Variants in ATRNL1 observed in about 807,000 individuals in gnomAD.
ATRNL1 encodes the protein attractin-like protein 1.
A neutral mutation model predicts 182.7 loss-of-function variants in ATRNL1; 95 were observed. The observed-to-expected ratio is 0.52, with a 90% CI of 0.44 to 0.62. ATRNL1 has a LOEUF of 0.62. Ranked by LOEUF, ATRNL1 falls within the 20% of genes least tolerant of loss-of-function variation. The pLI, the probability that ATRNL1 is intolerant of heterozygous loss-of-function variation, is 0.00. For missense variants in ATRNL1, 1,471 were observed against 1,679.5 expected (o/e 0.88, Z 2.17); for synonymous variants, 576 against 568.3 (o/e 1.01, Z -0.19).
intron 26 of ATRNL1, among the ~76,000 whole-genome samples, chr10:115,577,255 C>G (rs1361190279): frequency 6.6e-6 from 1 of 151,454 alleles, no homozygotes; most frequent in African/African-American, 2.4e-5. Context: ...TTTTCTATTT[C>G]TATGAAAAAT....
In ATRNL1 at chr10:115,339,887, T is replaced by G. The variant is rs576292115; in HGVS notation, c.3175+5468T>G. 6.6e-5 allele frequency among the ~76,000 whole-genome samples: 10 copies of G among 152,286 alleles called. No homozygotes were observed. In the South Asian group the frequency reaches 1.9e-3, roughly 28 times the overall value. On this transcript the variant is annotated intron_variant, in intron 19 of 28. Coordinates refer to ENST00000355044, the MANE Select transcript of ATRNL1 (RefSeq NM_207303.4). ...TGAGTTATGTTCCTTCAATCCCCAA[T>G]TTTTTGAGGGTTTTTATCATGAAGG...
At chr10:115,504,897 C>T (rs918443562) in intron 24 of ATRNL1, among the ~76,000 whole-genome samples, 3 of 151,956 alleles carry the variant, frequency 2.0e-5, no homozygotes, top group Non-Finnish European at 2.9e-5. Context: ...TATAGAAGTA[C>T]ATCTTTAGAT....
At position 115,596,423 on chromosome 10, in the gene ATRNL1, G is replaced by T. The variant is rs17725390; in HGVS notation, c.3795+46887G>T. Among the ~76,000 whole-genome samples, 1,113 of 152,186 alleles carry T rather than the reference G, an allele frequency of 7.3e-3. 12 individuals carry two copies. The highest frequency in any genetic ancestry group is 0.01 in the Non-Finnish European group (694 of 67,992). On this transcript the variant is annotated intron_variant, in intron 26 of 28. Transcript: ENST00000355044. ...GCCCGGCCCGTCATTATTCTCATTT[G>T]AATCAGTTGGTATAAATTATCATTT...
intron 8 of ATRNL1, among the ~76,000 whole-genome samples, chr10:115,194,060 G>C (rs1848265725): frequency 6.6e-6 from 1 of 151,912 alleles, no homozygotes; most frequent in South Asian, 2.1e-4. Flanking sequence ...TGAGATACTT[G>C]ATACTTGATA....
intron 26 of ATRNL1, among the ~76,000 whole-genome samples, chr10:115,663,800 G>A (rs1225555853): frequency 6.6e-6 from 1 of 152,088 alleles, no homozygotes; most frequent in East Asian, 1.9e-4. Flanking sequence ...TTAGGATTAA[G>A]GTTCCTCTAA....
At chr10:115,914,595 T>TC (rs1399503206) in intron 28 of ATRNL1, among the ~76,000 whole-genome samples, 3 of 152,194 alleles carry the variant, frequency 2.0e-5, no homozygotes, top group Non-Finnish European at 4.4e-5. Flanking sequence ...CCCAGACCTT[T>TC]CCTTCCTGTC....
chr10:115,159,396 G>A (rs1009359391), intron 5 of ATRNL1, among the ~76,000 whole-genome samples: 3 of 151,340 alleles, frequency 2.0e-5, no homozygotes, highest in Admixed American at 2.0e-4. Flanking sequence ...AAAAGGCTGT[G>A]TTTTCAACTT....
chr10:115,321,829 C>A (rs1460917060), intron 18 of ATRNL1, among the ~76,000 whole-genome samples: 3 of 151,992 alleles, frequency 2.0e-5, no homozygotes, highest in Non-Finnish European at 4.4e-5. Flanking sequence ...CAAATTGTAC[C>A]TGTTTGCAGG....
intron 19 of ATRNL1, among the ~76,000 whole-genome samples, chr10:115,338,881 A>G (rs1275886720): frequency 6.6e-6 from 1 of 152,150 alleles, no homozygotes; most frequent in Non-Finnish European, 1.5e-5. Context: ...TTAAGTCTTT[A>G]TACCATATGC....
chr10:115,903,900 T>C (rs1341896033), intron 28 of ATRNL1, among the ~76,000 whole-genome samples: 4 of 152,136 alleles, frequency 2.6e-5, no homozygotes, highest in African/African-American at 9.7e-5. Context: ...CCTAAGATTT[T>C]TTAGTGCGTT....
chr10:115,149,350 A>G (rs186044561), intron 5 of ATRNL1, among the ~76,000 whole-genome samples: 125 of 152,176 alleles, frequency 8.2e-4, no homozygotes, highest in African/African-American at 2.8e-3. Context: ...TTTTTGTTAG[A>G]AAAGAAATGA....
At chr10:115,397,686 A>C (rs560790184) in intron 20 of ATRNL1, among the ~76,000 whole-genome samples, 1 of 152,086 alleles carries the variant, frequency 6.6e-6, no homozygotes, top group African/African-American at 2.4e-5. Flanking sequence ...TTCTGGGAAA[A>C]GAAAATAGGA....
At chr10:115,841,676 C>T (rs1277478574) in intron 27 of ATRNL1, among the ~76,000 whole-genome samples, 1 of 152,122 alleles carries the variant, frequency 6.6e-6, no homozygotes, top group Non-Finnish European at 1.5e-5. Flanking sequence ...GAATTCTTCT[C>T]CTTCCTACTG....
At chr10:115,371,628 C>A (rs1333580122) in intron 19 of ATRNL1, among the ~76,000 whole-genome samples, 1 of 152,174 alleles carries the variant, frequency 6.6e-6, no homozygotes, top group Admixed American at 6.5e-5. Context: ...GCCTGTACCC[C>A]CATTGTATCT....
chr10:115,113,973 T>C lies in ATRNL1; in HGVS notation c.294-6212T>C, dbSNP rs149778246. ...TGTTGAAAAATAAAGTTTATATTTT[T>C]TATTTTTATCTGTTTTTTTTTCCAT... On this transcript the variant is annotated intron_variant, in intron 1 of 28. Transcript: ENST00000355044. 8.6e-5 allele frequency among the ~76,000 whole-genome samples: 13 copies of C among 151,610 alleles called. No homozygotes were observed. The East Asian group carries it at 2.5e-3, about 29-fold the overall frequency.
chr10:115,265,414 A>G, intron 11 of ATRNL1, 137 bp downstream of exon 11: 1 of 498,594 alleles, frequency 2.0e-6, no homozygotes, highest in Non-Finnish European at 3.5e-6. Context: ...CTACCATAGA[A>G]TGCATTTTGA....
At chr10:115,810,343 G>A (rs181278744) in intron 27 of ATRNL1, among the ~76,000 whole-genome samples, 431 of 152,016 alleles carry the variant, frequency 2.8e-3, no homozygotes, top group African/African-American at 9.5e-3. Flanking sequence ...TTTCTGGAGA[G>A]TTTGCATAGA....
intron 10 of ATRNL1, among the ~76,000 whole-genome samples, chr10:115,257,527 C>T (rs147352904): frequency 0.011 from 1,608 of 152,270 alleles, 21 homozygotes; most frequent in Non-Finnish European, 0.013. Flanking sequence ...TGCATCTTTG[C>T]ACGTGAGATG....
intron 3 of ATRNL1, among the ~76,000 whole-genome samples, chr10:115,123,418 A>G (rs1554872333): frequency 6.6e-6 from 1 of 152,234 alleles, no homozygotes; most frequent in African/African-American, 2.4e-5. Context: ...CTCCTGATTT[A>G]AAAGCATATG....
Sources: gnomAD v4.1 joint callset for allele counts (sites outside exome capture counted in the v4.1 genomes callset) on GRCh38, gnomAD v4.1.1 for gene constraint, MANE v1.5 for transcripts, NCBI Gene and HGNC (gene_info 2026-07-23, HGNC 2026-07-21) for gene names.